DSTYK: variants seen among roughly 807,000 people sequenced by gnomAD.
DSTYK encodes the protein dual serine/threonine and tyrosine protein kinase.
DSTYK carries 34 observed loss-of-function variants against 98.7 expected under a neutral mutation model. That is an observed-to-expected ratio of 0.34 (90% CI 0.26 to 0.46). The LOEUF is 0.46. DSTYK is among the 20% of genes least tolerant of loss of function. DSTYK has a pLI of 1.00. For missense variants in DSTYK, 962 were observed against 1,181.7 expected (o/e 0.81, Z 2.73); for synonymous variants, 462 against 457.3 (o/e 1.01, Z -0.13).
At chr1:205,168,645 C>T (rs922910880) in intron 3 of DSTYK, among the ~76,000 whole-genome samples, 2 of 152,198 alleles carry the variant, frequency 1.3e-5, no homozygotes, top group African/African-American at 4.8e-5. Context: ...TGACCAATCA[C>T]TTTCACCCAA....
chr1:205,163,045 G>A (rs1333349716), intron 4 of DSTYK, 39 bp from the exon 5 acceptor site: 2 of 1,531,006 alleles, frequency 1.3e-6, no homozygotes, highest in South Asian at 2.2e-5. Context: ...GTCCTCAGTA[G>A]TGTGGCTATT....
intron 2 of DSTYK, among the ~76,000 whole-genome samples, chr1:205,181,178 G>A (rs577595845): frequency 3.3e-5 from 5 of 152,054 alleles, no homozygotes; most frequent in Admixed American, 1.3e-4. Flanking sequence ...TTCCCTTGGA[G>A]TTGACCATTT....
chr1:205,173,390 C>CAAAAAAAAAAAAAAAAAAAAAAAAAAAAA (rs570805658), intron 2 of DSTYK: 1 of 82,606 alleles, frequency 1.2e-5, no homozygotes, highest in African/African-American at 5.3e-5. Context: ...GAGACTGTCT[C>CAAAAAAAAAAAAAAAAAAAAAAAAAAAAA]AAAAAAAAAA....
chr1:205,210,002 G>A (rs11240389), intron 1 of DSTYK, among the ~76,000 whole-genome samples: 69,487 of 151,754 alleles, frequency 0.46, 19,336 homozygotes, highest in Non-Finnish European at 0.62. Context: ...CTGGTTTCAA[G>A]CGATTCTCCT....
chr1:205,202,773 ATTTTTTT>A, intron 1 of DSTYK: 1 of 626,208 alleles, frequency 1.6e-6, no homozygotes, highest in Admixed American at 2.5e-5. Flanking sequence ...ACAATTAAAT[ATTTTTTT>A]AAAAAAAGGA....
intron 1 of DSTYK, among the ~76,000 whole-genome samples, chr1:205,203,854 G>T (rs1447863267): frequency 1.3e-5 from 2 of 152,120 alleles, no homozygotes; most frequent in Non-Finnish European, 2.9e-5. Flanking sequence ...GGCAGAGGTT[G>T]CAGTGAGCTA....
At chr1:205,154,451 TGAA>T in intron 10 of DSTYK, among the ~76,000 whole-genome samples, 1 of 152,326 alleles carries the variant, frequency 6.6e-6, no homozygotes, top group Non-Finnish European at 1.5e-5. Context: ...TGCCACCATG[TGAA>T]GAAGGACATG....
At chr1:205,164,963 T>C (rs899631422) in intron 3 of DSTYK, among the ~76,000 whole-genome samples, 8 of 152,264 alleles carry the variant, frequency 5.3e-5, no homozygotes, top group Admixed American at 2.6e-4. Flanking sequence ...ATAGTACAGT[T>C]AGGAAGTAAT....
Position 205,171,790 on chromosome 1 carries a change from A to G in DSTYK, c.655-1958T>C, listed in dbSNP as rs532340229. Among the ~76,000 whole-genome samples the G allele has an allele frequency of 3.3e-5, 5 of 152,364 alleles. No individual in the cohort carries two copies. In the South Asian group the frequency reaches 1.0e-3, roughly 32 times the overall value. The stretch of plus-strand genomic sequence containing the variant: ...AATCAATCCTCCATAGAATTCTAGC[A>G]TATTTTAGAGTTATAAAAGAACTCA... On this transcript the variant is annotated intron_variant, in intron 2 of 12. Transcript: ENST00000367162.
chr1:205,191,844 G>A (rs1658722194), intron 1 of DSTYK, among the ~76,000 whole-genome samples: 1 of 152,192 alleles, frequency 6.6e-6, no homozygotes, highest in African/African-American at 2.4e-5. Context: ...AGGACTTCAA[G>A]TTAATCGAGT....
At chr1:205,180,304 C>T (rs543668570) in intron 2 of DSTYK, among the ~76,000 whole-genome samples, 3 of 151,222 alleles carry the variant, frequency 2.0e-5, no homozygotes, top group Admixed American at 6.6e-5. Flanking sequence ...TGATGCTCCC[C>T]GCCTTGTGTC....
chr1:205,179,107 C>T (rs1199366905), intron 2 of DSTYK, among the ~76,000 whole-genome samples: 9 of 150,006 alleles, frequency 6.0e-5, no homozygotes, highest in African/African-American at 1.5e-4. Context: ...CCAGCCTGAG[C>T]GACAAAGTGA....
chr1:205,157,867 C>T (rs1190659858), intron 9 of DSTYK, among the ~76,000 whole-genome samples: 1 of 152,070 alleles, frequency 6.6e-6, no homozygotes, highest in Non-Finnish European at 1.5e-5. Context: ...GATAAAATCC[C>T]TTGCAGGCTG....
At chr1:205,179,805 C>T (rs534589338) in intron 2 of DSTYK, among the ~76,000 whole-genome samples, 1 of 152,150 alleles carries the variant, frequency 6.6e-6, no homozygotes, top group Non-Finnish European at 1.5e-5. Context: ...GTTAATAGTC[C>T]TAACAACAGT....
At chr1:205,155,599 A>G (rs1285849782) in intron 10 of DSTYK, among the ~76,000 whole-genome samples, 1 of 151,824 alleles carries the variant, frequency 6.6e-6, no homozygotes, top group Admixed American at 6.6e-5. Flanking sequence ...TGGAGGTTAC[A>G]GTGAGTTGAG....
intron 2 of DSTYK, among the ~76,000 whole-genome samples, chr1:205,170,742 A>C (rs1658034559): frequency 6.6e-6 from 1 of 152,176 alleles, no homozygotes; most frequent in Non-Finnish European, 1.5e-5. Context: ...TCCTTTACAG[A>C]TAGGGGTATC....
chr1:205,207,386 A>G (rs1304913303), intron 1 of DSTYK, among the ~76,000 whole-genome samples: 2 of 151,634 alleles, frequency 1.3e-5, no homozygotes, highest in Non-Finnish European at 2.9e-5. Context: ...GCCCACTCCA[A>G]TTTCTTAAAA....
intron 1 of DSTYK, among the ~76,000 whole-genome samples, chr1:205,203,736 T>A (rs979301071): frequency 1.3e-5 from 2 of 151,624 alleles, no homozygotes; most frequent in Admixed American, 1.3e-4. Context: ...ACCAATATGG[T>A]GAAACCTTGA....
intron 1 of DSTYK, among the ~76,000 whole-genome samples, chr1:205,192,254 A>T (rs1430971768): frequency 1.3e-5 from 2 of 152,182 alleles, no homozygotes; most frequent in Non-Finnish European, 2.9e-5. Flanking sequence ...GAAATGGACC[A>T]GGCATGGTGG....
Sources: gnomAD v4.1 joint callset for allele counts (sites outside exome capture counted in the v4.1 genomes callset) on GRCh38, gnomAD v4.1.1 for gene constraint, MANE v1.5 for transcripts, NCBI Gene and HGNC (gene_info 2026-07-23, HGNC 2026-07-21) for gene names.